LRRC4C: variants seen among roughly 807,000 people sequenced by gnomAD.
LRRC4C encodes the protein leucine rich repeat containing 4C.
A neutral mutation model predicts 33.6 loss-of-function variants in LRRC4C; 5 were observed. The observed-to-expected ratio is 0.15, with a 90% CI of 0.08 to 0.31. LRRC4C has a LOEUF of 0.31. Among genes scored for constraint, LRRC4C ranks in the 10% least tolerant of loss-of-function variants. The probability of loss-of-function intolerance (pLI) is 1.00; values close to 1 mark genes in which losing one functional copy is unlikely to be tolerated. For missense variants in LRRC4C, 560 were observed against 796.7 expected, an observed-to-expected ratio of 0.70 and a Z score of 3.58; for synonymous variants, 329 against 302.0, an observed-to-expected ratio of 1.09 and a Z score of -0.93.
At chr11:40,558,124 GAAATAC>G (rs1957401983) in intron 3 of LRRC4C, among the ~76,000 whole-genome samples, 1 of 152,080 alleles carries the variant, frequency 6.6e-6, no homozygotes, top group South Asian at 2.1e-4. Flanking sequence ...TTACTGTTCA[GAAATAC>G]AAATACAAAG....
chr11:40,375,868 T>TCCAG (rs548559840), intron 3 of LRRC4C, among the ~76,000 whole-genome samples: 14 of 152,272 alleles, frequency 9.2e-5, no homozygotes, highest in African/African-American at 2.9e-4. Flanking sequence ...AGCTTTCACT[T>TCCAG]CCAGCCATGA....
intron 4 of LRRC4C, among the ~76,000 whole-genome samples, chr11:40,294,852 T>TAAAA (rs1158084577): frequency 6.7e-6 from 1 of 148,746 alleles, no homozygotes; most frequent in Non-Finnish European, 1.5e-5. Context: ...AATAAATAAA[T>TAAAA]AAAAAAAAAG....
intron 3 of LRRC4C, among the ~76,000 whole-genome samples, chr11:40,620,145 T>G (rs1034845778): frequency 1.3e-5 from 2 of 151,238 alleles, no homozygotes; most frequent in African/African-American, 2.4e-5. Flanking sequence ...GCTGCAGATA[T>G]AGTCTTCTAA....
chr11:40,693,776 A>G (rs1173904278), intron 2 of LRRC4C, among the ~76,000 whole-genome samples: 3 of 152,106 alleles, frequency 2.0e-5, no homozygotes, highest in Non-Finnish European at 2.9e-5. Flanking sequence ...TTAAAAAATT[A>G]TCCAGGTAAA....
At chr11:41,089,236 T>G (rs1940224902) in intron 1 of LRRC4C, among the ~76,000 whole-genome samples, 1 of 152,044 alleles carries the variant, frequency 6.6e-6, no homozygotes, top group Admixed American at 6.6e-5. Context: ...TTTATATCCT[T>G]ATATATGGCA....
intron 1 of LRRC4C, among the ~76,000 whole-genome samples, chr11:41,066,967 A>G (rs1315785712): frequency 6.6e-6 from 1 of 152,216 alleles, no homozygotes; most frequent in Admixed American, 6.5e-5. Flanking sequence ...AAAACACACC[A>G]AAATATGAAA....
intron 3 of LRRC4C, among the ~76,000 whole-genome samples, chr11:40,632,485 T>C (rs1963555708): frequency 6.6e-6 from 1 of 152,196 alleles, no homozygotes; most frequent in African/African-American, 2.4e-5. Flanking sequence ...ATCTGTATTT[T>C]GGAGATACCA....
At chr11:40,775,081 G>C (rs965449028) in intron 2 of LRRC4C, among the ~76,000 whole-genome samples, 1 of 151,764 alleles carries the variant, frequency 6.6e-6, no homozygotes, top group East Asian at 1.9e-4. Context: ...TTATTATATA[G>C]ATTGGGACTG....
At chr11:40,246,184 G>A (rs1034116799) in intron 4 of LRRC4C, among the ~76,000 whole-genome samples, 2 of 151,930 alleles carry the variant, frequency 1.3e-5, no homozygotes, top group African/African-American at 4.8e-5. Flanking sequence ...ATGTTGGCCA[G>A]GCTGGTCTTG....
At chr11:40,144,963 C>T (rs1857619052) in intron 5 of LRRC4C, among the ~76,000 whole-genome samples, 1 of 152,128 alleles carries the variant, frequency 6.6e-6, no homozygotes, top group South Asian at 2.1e-4. Context: ...AGGGAAAGAA[C>T]ATTTGTTGGG....
chr11:41,012,671 A>T lies in LRRC4C; in HGVS notation c.-495-78948T>A, dbSNP rs114546983. On this transcript the variant is annotated intron_variant, in intron 1 of 6. Coordinates refer to ENST00000528697, the MANE Select transcript of LRRC4C (RefSeq NM_001258419.2). ...TTGAAGAACCTCCATAGAGTTTTACATAGCGGCTGAACTAATTTACATTTT... is the reference window on the plus strand; with the variant it reads ...TTGAAGAACCTCCATAGAGTTTTACTTAGCGGCTGAACTAATTTACATTTT... Among the ~76,000 whole-genome samples, 736 of 152,302 alleles carry T rather than the reference A, an allele frequency of 4.8e-3. 6 individuals are homozygous for T. The highest frequency in any genetic ancestry group is 0.017 in the African/African-American group (705 of 41,574).
chr11:40,891,637 C>T (rs1467551207), intron 2 of LRRC4C, among the ~76,000 whole-genome samples: 1 of 152,062 alleles, frequency 6.6e-6, no homozygotes, highest in Non-Finnish European at 1.5e-5. Flanking sequence ...AAAAGGCAGA[C>T]AGATATATAA....
chr11:40,469,632 C>T (rs1045759206), intron 3 of LRRC4C, among the ~76,000 whole-genome samples: 1 of 152,186 alleles, frequency 6.6e-6, no homozygotes, highest in African/African-American at 2.4e-5. Context: ...GATCCACTGG[C>T]TTGAAATTCT....
At chr11:41,225,564 C>A (rs1247546994) in intron 1 of LRRC4C, among the ~76,000 whole-genome samples, 1 of 152,044 alleles carries the variant, frequency 6.6e-6, no homozygotes, top group Non-Finnish European at 1.5e-5. Context: ...TTTGGGAGGC[C>A]AAGGTGAGAG....
At chr11:41,431,657 G>A (rs1000699468) in intron 1 of LRRC4C, among the ~76,000 whole-genome samples, 8 of 151,046 alleles carry the variant, frequency 5.3e-5, no homozygotes, top group Non-Finnish European at 8.9e-5. Context: ...GTGTGTACAC[G>A]TACACACACG....
chr11:40,299,374 G>A (rs2136652948), intron 4 of LRRC4C, among the ~76,000 whole-genome samples: 1 of 152,226 alleles, frequency 6.6e-6, no homozygotes, highest in East Asian at 1.9e-4. Context: ...TCAGATTCCT[G>A]CGTGGACTCT....
chr11:41,190,814 A>G (rs2136209491), intron 1 of LRRC4C, among the ~76,000 whole-genome samples: 1 of 152,324 alleles, frequency 6.6e-6, no homozygotes, highest in Admixed American at 6.5e-5. Flanking sequence ...CCCTTTCAGA[A>G]TAATTACAGT....
At chr11:41,186,690 G>A (rs1945708298) in intron 1 of LRRC4C, among the ~76,000 whole-genome samples, 1 of 152,044 alleles carries the variant, frequency 6.6e-6, no homozygotes, top group African/African-American at 2.4e-5. Context: ...TCAAATAAAT[G>A]TTCACCCACT....
At chr11:40,178,199 C>T (rs575528085) in intron 5 of LRRC4C, among the ~76,000 whole-genome samples, 1 of 152,112 alleles carries the variant, frequency 6.6e-6, no homozygotes, top group Non-Finnish European at 1.5e-5. Context: ...AGAAATAAAG[C>T]GAGCTTCCAA....
Sources: gnomAD v4.1 joint callset for allele counts (sites outside exome capture counted in the v4.1 genomes callset) on GRCh38, gnomAD v4.1.1 for gene constraint, MANE v1.5 for transcripts, NCBI Gene and HGNC (gene_info 2026-07-23, HGNC 2026-07-21) for gene names.